ABCC12: variants seen among roughly 807,000 people sequenced by gnomAD.
ABCC12 encodes the protein ATP binding cassette subfamily C member 12, also known as ATP-binding cassette sub-family C member 12.
A neutral mutation model predicts 151.1 loss-of-function variants in ABCC12; 142 were observed. The ratio of observed to expected loss-of-function variants is 0.94; its 90% confidence interval spans 0.82 to 1.08. The LOEUF (loss-of-function observed/expected upper bound fraction) is 1.08, where lower values mean the gene tolerates loss of function less well. Among genes scored for constraint, ABCC12 ranks in the 50% least tolerant of loss-of-function variants. ABCC12 has a pLI of 0.00. For missense variants in ABCC12, 1,638 were observed against 1,691.1 expected, an observed-to-expected ratio of 0.97 and a Z score of 0.55; for synonymous variants, 645 against 646.4, an observed-to-expected ratio of 1.00 and a Z score of 0.03.
At position 48,088,707 on chromosome 16, in the gene ABCC12, G is replaced by A. The variant is rs1399913179; in HGVS notation, c.3313C>T (p.Leu1105Phe). The change falls in exon 26 of 31, where the codon CTC becomes TTC. Residue 1105 changes from leucine to phenylalanine, a missense_variant. Coordinates refer to ENST00000311303, the MANE Select transcript of ABCC12 (RefSeq NM_001393797.1). ...STCVPECTHP[L>F]KVGTCPKDWP... ...TCCTTGGGACAGGTCCCCACTTTGAGGGGATGAGTGCATTCAGGAACACAG... is the reference window on the plus strand; with the variant it reads ...TCCTTGGGACAGGTCCCCACTTTGAAGGGATGAGTGCATTCAGGAACACAG... 3 of 1,613,760 alleles carry A rather than the reference G, an allele frequency of 1.9e-6. No individual in the cohort carries two copies. The highest frequency in any genetic ancestry group is 2.7e-5 in the African/African-American group (2 of 74,936).
intron 9 of ABCC12, among the ~76,000 whole-genome samples, chr16:48,131,890 C>G (rs2150657435): frequency 6.6e-6 from 1 of 152,272 alleles, no homozygotes; most frequent in South Asian, 2.1e-4. Context: ...CTTCCAGGTC[C>G]CAAAGCACCA....
chr16:48,106,252 C>T (rs1361887256), intron 20 of ABCC12, among the ~76,000 whole-genome samples: 1 of 152,184 alleles, frequency 6.6e-6, no homozygotes, highest in African/African-American at 2.4e-5. Context: ...AGAGGAGACA[C>T]TCCTGTGCCT....
chr16:48,146,494 A>G lies in ABCC12; in HGVS notation c.-50-20T>C. 7.9e-7 allele frequency: 1 copy of G among 1,268,428 alleles called. No homozygotes were observed. The highest frequency in any genetic ancestry group is 2.3e-5 in the East Asian group (1 of 43,234). 78.6% of individuals were successfully genotyped at this position (1,268,428 alleles called of 1,614,324 possible). The stretch of plus-strand genomic sequence containing the variant: ...TTCACTCTATGGCAGAGAAATGGCA[A>G]AGGTTATTGAGAGGTGAGGATGTCT... On this transcript the variant is annotated intron_variant, in intron 2 of 30. Coordinates refer to ENST00000311303, the MANE Select transcript of ABCC12 (RefSeq NM_001393797.1).
In ABCC12 at chr16:48,141,204, A is replaced by G. The variant is rs766303490; in HGVS notation, c.423+2T>C. On this transcript the variant is annotated splice_donor_variant, in intron 5 of 30. Coordinates refer to ENST00000311303, the MANE Select transcript of ABCC12 (RefSeq NM_001393797.1). LOFTEE classifies it high-confidence loss of function. ...ATGAGGAGGAAGGGCTGCCGCACTC[A>G]CCGGCCCTATGGCTGCCATGATGAT... 6.2e-7 allele frequency: 1 copy of G among 1,613,428 alleles called. No individual in the cohort carries two copies. The highest frequency in any genetic ancestry group is 8.5e-7 in the Non-Finnish European group (1 of 1,179,576).
chr16:48,083,337 C>A lies in ABCC12; in HGVS notation c.*378G>T. 5.1e-6 allele frequency: 1 copy of A among 196,302 alleles called. No individual in the cohort carries two copies. The highest frequency in any genetic ancestry group is 1.0e-5 in the Non-Finnish European group (1 of 98,950). 12.2% of individuals were successfully genotyped at this position (196,302 alleles called of 1,614,324 possible). A position where few individuals can be genotyped will look rare whatever the true frequency, so the allele number is the denominator to read the frequency against. On this transcript the variant is annotated 3_prime_UTR_variant, in exon 31 of 31. Transcript: ENST00000311303. ...ATGGGCAAGGAAACCTTGCAAACTC[C>A]ATCCTAAGGCATTTTCCCATGTTGT...
intron 26 of ABCC12, 46 bp from the exon 27 acceptor site, chr16:48,088,131 G>A (rs1490053759): frequency 6.3e-7 from 1 of 1,588,180 alleles, no homozygotes; most frequent in Non-Finnish European, 8.6e-7. Context: ...ATCAGTTTGT[G>A]CTTCCATCAT....
intron 4 of ABCC12, among the ~76,000 whole-genome samples, chr16:48,143,618 G>T (rs946626632): frequency 9.2e-5 from 14 of 152,278 alleles, no homozygotes; most frequent in Non-Finnish European, 1.8e-4. Flanking sequence ...CTGGTGGGAG[G>T]TAACTGAATC....
intron 15 of ABCC12, among the ~76,000 whole-genome samples, chr16:48,112,574 G>A (rs1392626085): frequency 6.6e-6 from 1 of 152,154 alleles, no homozygotes; most frequent in Non-Finnish European, 1.5e-5. Flanking sequence ...CAGCCTGGAT[G>A]ACAGAGCAAG....
At chr16:48,143,716 C>T (rs779554209) in intron 4 of ABCC12, among the ~76,000 whole-genome samples, 194 bp downstream of exon 4, 1 of 152,240 alleles carries the variant, frequency 6.6e-6, no homozygotes, top group Non-Finnish European at 1.5e-5. Context: ...TCTGCACACA[C>T]TGTCTTGCCT....
chr16:48,107,337 C>G lies in ABCC12; in HGVS notation c.2460G>C (p.Leu820Phe). Residue 820 changes from leucine to phenylalanine, a missense_variant, in exon 20 of 31, where the codon TTG becomes TTC. Leu to Phe is a conservative substitution (Grantham distance 22, BLOSUM62 0). Coordinates refer to ENST00000311303, the MANE Select transcript of ABCC12 (RefSeq NM_001393797.1). ...AFSNWWLGLW[L>F]DKGSRMTCGP... ...GGAAACTCACCCGTGAGCCCTTGTC[C>G]AACCAGAGACCCAGCCACCAGTTGC... 2 of 1,614,138 alleles carry G rather than the reference C, an allele frequency of 1.2e-6. No individual in the cohort carries two copies. The highest frequency in any genetic ancestry group is 1.3e-5 in the African/African-American group (1 of 75,022).
intron 24 of ABCC12, among the ~76,000 whole-genome samples, chr16:48,091,664 T>G (rs1374262034): frequency 1.3e-5 from 2 of 152,180 alleles, no homozygotes; most frequent in African/African-American, 4.8e-5. Flanking sequence ...CCATCAAGCC[T>G]GTCTTCTTGT....
intron 4 of ABCC12, among the ~76,000 whole-genome samples, chr16:48,143,031 G>A (rs1852615723): frequency 6.6e-6 from 1 of 152,118 alleles, no homozygotes. Context: ...TTTTTATAAT[G>A]AATATGAATT....
At chr16:48,112,423 C>T (rs990677553) in intron 15 of ABCC12, among the ~76,000 whole-genome samples, 1 of 152,024 alleles carries the variant, frequency 6.6e-6, no homozygotes, top group African/African-American at 2.4e-5. Flanking sequence ...TGGTGAAACC[C>T]CATCTCTACT....
chr16:48,134,014 C>T (rs1381797364), intron 8 of ABCC12, among the ~76,000 whole-genome samples, 179 bp from the exon 9 acceptor site: 3 of 152,276 alleles, frequency 2.0e-5, no homozygotes, highest in Non-Finnish European at 4.4e-5. Context: ...ACTCACAGCT[C>T]GGTACCTGTC....
intron 9 of ABCC12, 26 bp from the exon 10 acceptor site, chr16:48,130,921 G>C: frequency 1.3e-6 from 2 of 1,543,636 alleles, no homozygotes; most frequent in South Asian, 1.1e-5. Context: ...GAAGTATGAG[G>C]GTTTAGAAGG....
rs555271375 is a variant in ABCC12, at chr16:48,082,841, G to A, written c.*874C>T. ...ATTTTTTTCCCAAATGTCACCATGA[G>A]TTAGCAGCGCTCACTCCTGGGGCTG... is the stretch of plus-strand genomic sequence containing the variant. On this transcript the variant is annotated 3_prime_UTR_variant, in exon 31 of 31. Coordinates refer to ENST00000311303, the MANE Select transcript of ABCC12 (RefSeq NM_001393797.1). 1 of 152,316 alleles carries A rather than the reference G, an allele frequency of 6.6e-6. No homozygotes were observed. The highest frequency in any genetic ancestry group is 2.1e-4 in the South Asian group (1 of 4,824). 9.4% of individuals were successfully genotyped at this position (152,316 alleles called of 1,614,324 possible).
At chr16:48,120,582 G>A (rs1483836158) in intron 13 of ABCC12, among the ~76,000 whole-genome samples, 1 of 149,746 alleles carries the variant, frequency 6.7e-6, no homozygotes, top group Non-Finnish European at 1.5e-5. Flanking sequence ...TTGAGAAGGA[G>A]TCTCGCTCTT....
rs1382012569 is a variant in ABCC12, at chr16:48,133,821, C to G, written c.994G>C (p.Glu332Gln). The G allele has an allele frequency of 6.2e-7, 1 of 1,614,128 alleles. No individual in the cohort carries two copies. Among genetic ancestry groups the G allele is most frequent in the East Asian group, 2.2e-5 (1 of 44,878 alleles). ...CCAGCTTTTTCCAGTAATTTTCTTTCCCTCCTTCTTATATCTGCAAAATAG... is the reference window on the plus strand; with the variant it reads ...CCAGCTTTTTCCAGTAATTTTCTTTGCCTCCTTCTTATATCTGCAAAATAG... ...TNTIQDIRRR[E>Q]RKLLEKAGFV... The change falls in exon 9 of 31, where the codon GAA becomes CAA. Residue 332 changes from glutamate to glutamine, a missense_variant. Transcript: ENST00000311303.
At chr16:48,144,712 C>G (rs1009763767) in intron 3 of ABCC12, among the ~76,000 whole-genome samples, 2 of 152,174 alleles carry the variant, frequency 1.3e-5, no homozygotes, top group African/African-American at 4.8e-5. Flanking sequence ...TGCTTGGAAT[C>G]ACTTCTCAAA....
Sources: allele counts gnomAD v4.1 joint callset (sites outside exome capture counted in the v4.1 genomes callset), GRCh38; gene constraint gnomAD v4.1.1; transcripts MANE v1.5; gene names NCBI Gene and HGNC (gene_info 2026-07-23, HGNC 2026-07-21).